Variants in NELL1 observed in about 807,000 individuals in gnomAD.
NELL1 encodes the protein protein kinase C-binding protein NELL1.
A neutral mutation model predicts 107.4 loss-of-function variants in NELL1; 76 were observed. The ratio of observed to expected loss-of-function variants is 0.71; its 90% CI spans 0.59 to 0.86. The LOEUF (loss-of-function observed/expected upper bound fraction) is 0.86. Ranked by LOEUF, NELL1 falls within the 40% of genes least tolerant of loss-of-function variation. The pLI, the probability that NELL1 is intolerant of heterozygous loss-of-function variation, is 0.00. For missense variants in NELL1, 1,024 were observed against 1,005.5 expected (o/e 1.02, Z -0.25); for synonymous variants, 353 against 341.2 (o/e 1.03, Z -0.38).
intron 15 of NELL1, among the ~76,000 whole-genome samples, chr11:21,498,371 A>G (rs1230409687): frequency 2.0e-5 from 3 of 148,300 alleles, no homozygotes; most frequent in African/African-American, 7.3e-5. Context: ...ATACAGACAC[A>G]CATATAATTT....
At chr11:20,688,710 T>A (rs1181367732) in intron 2 of NELL1, among the ~76,000 whole-genome samples, 2 of 152,074 alleles carry the variant, frequency 1.3e-5, no homozygotes, top group Non-Finnish European at 2.9e-5. Context: ...AGTACATGTG[T>A]TTTTTGGTAG....
At chr11:20,754,937 G>C (rs900671550) in intron 2 of NELL1, among the ~76,000 whole-genome samples, 14 of 152,118 alleles carry the variant, frequency 9.2e-5, no homozygotes, top group African/African-American at 3.4e-4. Flanking sequence ...GGTCCATATA[G>C]CTCTGCTGAC....
In NELL1 at chr11:20,753,803, C is replaced by T. The variant is rs149890693; in HGVS notation, c.185-29877C>T. ...CTTGGGCTGGCTATATTTAGGCAGGCTGTCCCCATAGGAGCAAAGTGGTCC... is the reference window on the plus strand; with the variant it reads ...CTTGGGCTGGCTATATTTAGGCAGGTTGTCCCCATAGGAGCAAAGTGGTCC... On this transcript the variant is annotated intron_variant, in intron 2 of 19. Coordinates refer to ENST00000357134, the MANE Select transcript of NELL1 (RefSeq NM_006157.5). Among the ~76,000 whole-genome samples the T allele has an allele frequency of 5.9e-3, 906 of 152,296 alleles. 6 individuals are homozygous for T. The highest frequency in any genetic ancestry group is 0.024 in the Middle Eastern group (7 of 294).
chr11:20,880,030 G>A (rs890003801), intron 4 of NELL1, among the ~76,000 whole-genome samples: 2 of 151,514 alleles, frequency 1.3e-5, no homozygotes, highest in African/African-American at 4.9e-5. Context: ...TTTTTTTTCT[G>A]TTACATATTA....
At chr11:21,141,125 C>G (rs989489422) in intron 13 of NELL1, among the ~76,000 whole-genome samples, 2 of 152,180 alleles carry the variant, frequency 1.3e-5, no homozygotes, top group Non-Finnish European at 2.9e-5. Flanking sequence ...AGCTTGTACC[C>G]ATATGCACAT....
intron 3 of NELL1, among the ~76,000 whole-genome samples, chr11:20,813,785 G>T (rs748435379): frequency 6.6e-6 from 1 of 152,170 alleles, no homozygotes. Flanking sequence ...CCCTTAAGTG[G>T]TATCAGCTTT....
At chr11:21,367,616 A>C (rs577011933) in intron 14 of NELL1, among the ~76,000 whole-genome samples, 86 of 152,208 alleles carry the variant, frequency 5.7e-4, no homozygotes, top group Non-Finnish European at 1.0e-3. Flanking sequence ...AAATAACAAC[A>C]ATCACATCCA....
At chr11:20,752,154 T>C (rs1856154537) in intron 2 of NELL1, among the ~76,000 whole-genome samples, 1 of 56,216 alleles carries the variant, frequency 1.8e-5, no homozygotes, top group Non-Finnish European at 4.5e-5. Context: ...GTTGAAAGCA[T>C]TCAATATTTC....
intron 2 of NELL1, among the ~76,000 whole-genome samples, chr11:20,742,626 G>A (rs891117899): frequency 3.3e-5 from 5 of 152,312 alleles, no homozygotes; most frequent in African/African-American, 4.8e-5. Context: ...GCAAGAGAGC[G>A]TGTGCAGGAG....
intron 13 of NELL1, among the ~76,000 whole-genome samples, chr11:21,123,426 T>A (rs1378997164): frequency 6.6e-6 from 1 of 151,912 alleles, no homozygotes; most frequent in Admixed American, 6.6e-5. Context: ...TTTGAAAACA[T>A]GTTTCAAGCT....
chr11:20,824,523 G>T (rs1857830768), intron 3 of NELL1, among the ~76,000 whole-genome samples: 1 of 151,264 alleles, frequency 6.6e-6, no homozygotes, highest in Admixed American at 6.6e-5. Flanking sequence ...GGAGGGCCCA[G>T]AAGACAGGAA....
chr11:21,368,858 A>G (rs192143034), intron 14 of NELL1, among the ~76,000 whole-genome samples: 1 of 152,252 alleles, frequency 6.6e-6, no homozygotes, highest in East Asian at 1.9e-4. Flanking sequence ...GGATATTTAT[A>G]TAACACTATG....
intron 14 of NELL1, among the ~76,000 whole-genome samples, chr11:21,270,152 A>G (rs1035383061): frequency 1.3e-5 from 2 of 152,132 alleles, no homozygotes; most frequent in Admixed American, 6.5e-5. Flanking sequence ...AGAAGCAAGG[A>G]CACAGGTAGT....
chr11:20,782,014 C>T, intron 2 of NELL1, among the ~76,000 whole-genome samples: 1 of 150,212 alleles, frequency 6.7e-6, no homozygotes, highest in East Asian at 1.9e-4. Flanking sequence ...GCACTTCAAC[C>T]TGGTGACAGA....
chr11:21,205,335 A>G (rs1240488733), intron 13 of NELL1, among the ~76,000 whole-genome samples: 2 of 152,186 alleles, frequency 1.3e-5, no homozygotes, highest in Non-Finnish European at 2.9e-5. Flanking sequence ...CTAAAGAGGC[A>G]GTCTGGCTAC....
At chr11:21,225,334 C>T (rs1306952142) in intron 13 of NELL1, among the ~76,000 whole-genome samples, 1 of 152,174 alleles carries the variant, frequency 6.6e-6, no homozygotes, top group African/African-American at 2.4e-5. Flanking sequence ...ATGCTGGGAT[C>T]AGGGCCTGTA....
At chr11:21,475,805 A>C (rs1447619952) in intron 15 of NELL1, among the ~76,000 whole-genome samples, 1 of 152,196 alleles carries the variant, frequency 6.6e-6, no homozygotes, top group Non-Finnish European at 1.5e-5. Context: ...GTAAGTGGAA[A>C]TGTCTAAGCT....
intron 13 of NELL1, among the ~76,000 whole-genome samples, chr11:21,161,000 T>TACACACACACACACACACACACAC (rs72029062): frequency 7.0e-6 from 1 of 143,138 alleles, no homozygotes; most frequent in African/African-American, 2.6e-5. Flanking sequence ...CTAGCCTTTA[T>TACACACACACACACACACACACAC]ACACACACAC....
At chr11:20,803,702 G>A (rs1286360078) in intron 3 of NELL1, among the ~76,000 whole-genome samples, 2 of 152,122 alleles carry the variant, frequency 1.3e-5, no homozygotes, top group East Asian at 1.9e-4. Context: ...AATACCGAGT[G>A]TCAACTTGAT....
Sources: allele counts gnomAD v4.1 joint callset (sites outside exome capture counted in the v4.1 genomes callset), GRCh38; gene constraint gnomAD v4.1.1; transcripts MANE v1.5; gene names NCBI Gene and HGNC (gene_info 2026-07-23, HGNC 2026-07-21).